The following ROR1 variants were observed in gnomAD, a reference collection of about 807,000 sequenced individuals.
ROR1 encodes inactive tyrosine-protein kinase transmembrane receptor ROR1.
In ROR1, 19 loss-of-function variants were observed where a neutral mutation model predicts 78.8. The ratio of observed to expected loss-of-function variants is 0.24; its 90% confidence interval spans 0.17 to 0.35. The LOEUF is 0.35. Among genes scored for constraint, ROR1 ranks in the 10% least tolerant of loss-of-function variants. The pLI is 1.00. For synonymous variants in ROR1, 386 were observed against 433.6 expected (o/e 0.89, Z 1.36); for missense variants, 917 against 1,177.8 (o/e 0.78, Z 3.24).
Position 64,012,484 on chromosome 1 carries a change from A to T in ROR1, c.163+3108A>T, listed in dbSNP as rs919433348. On this transcript the variant is annotated intron_variant, in intron 2 of 8. Coordinates refer to ENST00000371079, the MANE Select transcript of ROR1 (RefSeq NM_005012.4). ...GATTAAACTAGGAGACACTGACAGC[A>T]GCAAACCTAAAACCAGCTCTTAAAA... 1.8e-4 allele frequency among the ~76,000 whole-genome samples: 27 copies of T among 152,358 alleles called. 1 individual carries two copies. Among genetic ancestry groups the T allele is most frequent in the Admixed American group, 1.0e-3 (16 of 15,300 alleles).
intron 2 of ROR1, among the ~76,000 whole-genome samples, chr1:64,013,698 C>A (rs556512572): frequency 1.3e-5 from 2 of 152,336 alleles, no homozygotes; most frequent in African/African-American, 4.8e-5. Context: ...CTTCCATCAA[C>A]CCCTTTGACC....
intron 4 of ROR1, among the ~76,000 whole-genome samples, chr1:64,130,690 A>G (rs1020025381): frequency 2.0e-5 from 3 of 152,218 alleles, no homozygotes; most frequent in Non-Finnish European, 4.4e-5. Context: ...AATAGGAGGT[A>G]ACTTTTCAGA....
At chr1:63,948,596 T>G (rs1645909330) in intron 1 of ROR1, among the ~76,000 whole-genome samples, 1 of 152,156 alleles carries the variant, frequency 6.6e-6, no homozygotes, top group African/African-American at 2.4e-5. Flanking sequence ...ACATACATAA[T>G]GCTGACTGAA....
At chr1:64,135,206 T>C (rs994611902) in intron 4 of ROR1, among the ~76,000 whole-genome samples, 1 of 152,128 alleles carries the variant, frequency 6.6e-6, no homozygotes, top group African/African-American at 2.4e-5. Context: ...TGATAAGAAA[T>C]GTGCAGCCAA....
intron 1 of ROR1, among the ~76,000 whole-genome samples, chr1:63,821,922 T>C (rs1644926090): frequency 1.3e-5 from 2 of 152,212 alleles, no homozygotes. Context: ...ACCTGTGTTC[T>C]CATATGGGAT....
intron 8 of ROR1, among the ~76,000 whole-genome samples, chr1:64,160,585 G>T (rs1171419454): frequency 6.6e-6 from 1 of 152,068 alleles, no homozygotes; most frequent in Admixed American, 6.6e-5. Context: ...CTAGCTAGCT[G>T]ATTTACATAT....
intron 8 of ROR1, among the ~76,000 whole-genome samples, chr1:64,160,776 C>G (rs1005778869): frequency 6.6e-6 from 1 of 152,178 alleles, no homozygotes; most frequent in South Asian, 2.1e-4. Flanking sequence ...CCATGAGACT[C>G]TTTCCCTTTC....
intron 1 of ROR1, among the ~76,000 whole-genome samples, chr1:63,837,685 G>A (rs1466768884): frequency 6.6e-6 from 1 of 152,192 alleles, no homozygotes; most frequent in Non-Finnish European, 1.5e-5. Flanking sequence ...GCTGGACACG[G>A]TGGCGTGTTC....
intron 1 of ROR1, chr1:63,843,593 G>T: frequency 1.4e-6 from 1 of 697,732 alleles, no homozygotes; most frequent in Non-Finnish European, 2.6e-6. Context: ...CCACCTTCTT[G>T]AGCTTCTTCA....
intron 1 of ROR1, among the ~76,000 whole-genome samples, chr1:63,947,775 TTG>T (rs990315988): frequency 7.9e-5 from 12 of 152,200 alleles, no homozygotes; most frequent in African/African-American, 2.9e-4. Flanking sequence ...TGATCCCCAG[TTG>T]GGTCTTGAAC....
In ROR1 at chr1:64,103,128, G is replaced by A. The variant is rs139925465; in HGVS notation, c.483-34241G>A. Reference sequence around the variant, plus strand: ...CTAAAAAAGCAGCAGGAAGATGTTAGGTTCGCTATGGAAAAGAATTTCCTG... The same window carrying A: ...CTAAAAAAGCAGCAGGAAGATGTTAAGTTCGCTATGGAAAAGAATTTCCTG... On this transcript the variant is annotated intron_variant, in intron 4 of 8. Transcript: ENST00000371079. 2.2e-3 allele frequency among the ~76,000 whole-genome samples: 332 copies of A among 152,284 alleles called. 1 individual carries two copies. The highest frequency in any genetic ancestry group is 7.8e-3 in the African/African-American group (324 of 41,572).
intron 4 of ROR1, among the ~76,000 whole-genome samples, chr1:64,134,142 A>C (rs1649022046): frequency 6.6e-6 from 1 of 152,158 alleles, no homozygotes; most frequent in Admixed American, 6.5e-5. Context: ...ACTTTGGATA[A>C]GTTCTCTATG....
At chr1:63,883,089 AAAT>A (rs1314151102) in intron 1 of ROR1, among the ~76,000 whole-genome samples, 1 of 152,172 alleles carries the variant, frequency 6.6e-6, no homozygotes, top group Non-Finnish European at 1.5e-5. Context: ...TGGAAAGGGC[AAAT>A]AATAAGTTTC....
chr1:64,028,366 G>T (rs773330983), intron 2 of ROR1, among the ~76,000 whole-genome samples: 2 of 152,166 alleles, frequency 1.3e-5, no homozygotes, highest in Non-Finnish European at 2.9e-5. Flanking sequence ...GTTTGGGTAA[G>T]ACTTTGTGGA....
intron 1 of ROR1, among the ~76,000 whole-genome samples, chr1:63,794,224 C>T (rs1455909385): frequency 6.6e-6 from 1 of 152,182 alleles, no homozygotes; most frequent in Non-Finnish European, 1.5e-5. Context: ...TCGGTTTCCC[C>T]ATCTGTAAAA....
chr1:64,081,211 A>T (rs1411121379), intron 4 of ROR1, among the ~76,000 whole-genome samples: 4 of 152,194 alleles, frequency 2.6e-5, no homozygotes, highest in African/African-American at 9.6e-5. Context: ...TCATAGGGAA[A>T]TCATTCAAAC....
At chr1:64,155,209 T>C (rs1368917619) in intron 7 of ROR1, among the ~76,000 whole-genome samples, 1 of 152,196 alleles carries the variant, frequency 6.6e-6, no homozygotes, top group Admixed American at 6.5e-5. Context: ...AAATGAGGAA[T>C]ACAAATGCTC....
intron 8 of ROR1, among the ~76,000 whole-genome samples, chr1:64,171,996 A>G (rs1475087331): frequency 6.6e-6 from 1 of 152,182 alleles, no homozygotes; most frequent in Non-Finnish European, 1.5e-5. Flanking sequence ...TTGTCACCTA[A>G]GGTATAACTT....
At chr1:63,903,067 C>T (rs910045343) in intron 1 of ROR1, among the ~76,000 whole-genome samples, 1 of 152,160 alleles carries the variant, frequency 6.6e-6, no homozygotes, top group African/African-American at 2.4e-5. Flanking sequence ...TGTCACATGA[C>T]CACCCTCAGC....
Sources: gnomAD v4.1 joint callset for allele counts (sites outside exome capture counted in the v4.1 genomes callset) on GRCh38, gnomAD v4.1.1 for gene constraint, MANE v1.5 for transcripts, NCBI Gene and HGNC (gene_info 2026-07-23, HGNC 2026-07-21) for gene names.